Variants in NPHP1 observed in about 807,000 individuals in gnomAD.
NPHP1 encodes the protein nephrocystin-1.
Under a neutral mutation model 90.4 loss-of-function variants are expected in NPHP1, and 70 were observed. The ratio of observed to expected loss-of-function variants is 0.77; its 90% CI spans 0.64 to 0.95. NPHP1 has a LOEUF of 0.95. NPHP1 is among the 40% of genes least tolerant of loss of function. NPHP1 has a pLI of 0.00. For synonymous variants in NPHP1, 256 were observed against 271.7 expected, an observed-to-expected ratio of 0.94 and a Z score of 0.57; for missense variants, 764 against 795.9, an observed-to-expected ratio of 0.96 and a Z score of 0.48.
At chr2:110,129,061 A>G in intron 18 of NPHP1, 125 bp downstream of exon 18, 2 of 717,086 alleles carry the variant, frequency 2.8e-6, no homozygotes, top group Non-Finnish European at 5.1e-6. Context: ...TACCTAGACA[A>G]TGGATAGGGA....
intron 16 of NPHP1, among the ~76,000 whole-genome samples, chr2:110,141,455 C>T (rs1210414189): frequency 2.0e-5 from 3 of 151,910 alleles, no homozygotes; most frequent in African/African-American, 7.3e-5. Context: ...AATGACTAGT[C>T]TAGGAGGGTA....
At chr2:110,136,149 A>T (rs1371505021) in intron 16 of NPHP1, among the ~76,000 whole-genome samples, 2 of 152,170 alleles carry the variant, frequency 1.3e-5, no homozygotes, top group African/African-American at 4.8e-5. Context: ...CTCTCAATAA[A>T]TTAGGTATTG....
In NPHP1 at chr2:110,137,789, T is replaced by C. The variant is rs533289107; in HGVS notation, c.1529+5753A>G. Among the ~76,000 whole-genome samples the C allele has an allele frequency of 1.5e-4, 22 of 151,028 alleles. No homozygotes were observed. The South Asian group carries it at 3.4e-3, about 23-fold the overall frequency. On this transcript the variant is annotated intron_variant, in intron 16 of 19. Coordinates refer to ENST00000445609, the MANE Select transcript of NPHP1 (RefSeq NM_001128178.3). ...TGGTGATTCCTCAGGGATCTAGAAC[T>C]AGAAATACCATTTGACCCAGCCATC...
At position 110,180,271 on chromosome 2, in the gene NPHP1, A is replaced by G. The variant is rs141143145; in HGVS notation, c.144-587T>C. 1.6e-4 allele frequency among the ~76,000 whole-genome samples: 25 copies of G among 152,212 alleles called. No individual in the cohort carries two copies. In the East Asian group the frequency reaches 4.8e-3, roughly 29 times the overall value. On this transcript the variant is annotated intron_variant, in intron 2 of 19. Transcript: ENST00000445609. Reference sequence around the variant, plus strand: ...CTGCTTTGAGCTTGCTTGTCCAGACAGGTCCAGAGTTTTATTTATTCCACA... The same window carrying G: ...CTGCTTTGAGCTTGCTTGTCCAGACGGGTCCAGAGTTTTATTTATTCCACA...
At chr2:110,161,569 GAGT>G in intron 10 of NPHP1, 31 bp downstream of exon 10, 1 of 1,336,694 alleles carries the variant, frequency 7.5e-7, no homozygotes, top group Non-Finnish European at 1.1e-6. Flanking sequence ...AAATCTGGAA[GAGT>G]TACACTTTTA....
intron 2 of NPHP1, among the ~76,000 whole-genome samples, chr2:110,196,653 G>A (rs1398222283): frequency 1.3e-5 from 2 of 152,070 alleles, no homozygotes; most frequent in Admixed American, 1.3e-4. Context: ...CCCATTACTG[G>A]GTATATACCC....
intron 2 of NPHP1, among the ~76,000 whole-genome samples, chr2:110,196,535 G>A (rs1283519973): frequency 6.6e-6 from 1 of 152,138 alleles, no homozygotes; most frequent in East Asian, 1.9e-4. Context: ...GGAGAAATAG[G>A]AAACTTTTAC....
At chr2:110,187,750 C>T (rs757877522) in intron 2 of NPHP1, among the ~76,000 whole-genome samples, 4 of 152,014 alleles carry the variant, frequency 2.6e-5, no homozygotes, top group South Asian at 2.1e-4. Flanking sequence ...TCATGAACAT[C>T]GATACAAAAA....
At chr2:110,125,274 A>G (rs952816944) in intron 19 of NPHP1, 2 of 1,536,066 alleles carry the variant, frequency 1.3e-6, no homozygotes, top group Non-Finnish European at 1.7e-6. Flanking sequence ...TATATGGTAC[A>G]GCTCAGGCCA....
intron 9 of NPHP1, among the ~76,000 whole-genome samples, 159 bp from the exon 10 acceptor site, chr2:110,161,856 T>C (rs1318628261): frequency 6.6e-6 from 1 of 152,140 alleles, no homozygotes; most frequent in Non-Finnish European, 1.5e-5. Flanking sequence ...TATAGATTTA[T>C]GGATAAAAAC....
intron 18 of NPHP1, chr2:110,128,968 T>C: frequency 5.1e-6 from 3 of 592,566 alleles, no homozygotes; most frequent in Non-Finnish European, 9.2e-6. Context: ...ATAGTGTACA[T>C]AGCAGGCACT....
chr2:110,176,740 G>C (rs1683539095), intron 4 of NPHP1, among the ~76,000 whole-genome samples: 1 of 152,076 alleles, frequency 6.6e-6, no homozygotes, highest in East Asian at 1.9e-4. Context: ...TAGGGCCTGG[G>C]CCTTCTGTGT....
intron 17 of NPHP1, among the ~76,000 whole-genome samples, chr2:110,130,568 C>T (rs1679705451): frequency 6.6e-6 from 1 of 152,156 alleles, no homozygotes; most frequent in South Asian, 2.1e-4. Flanking sequence ...TTCTACCTAT[C>T]TATCCAGGTG....
chr2:110,170,404 T>C (rs1026896074), intron 4 of NPHP1, among the ~76,000 whole-genome samples: 3 of 152,188 alleles, frequency 2.0e-5, no homozygotes, highest in African/African-American at 7.2e-5. Context: ...CCATTTCTCA[T>C]TGGTAAAGTG....
intron 18 of NPHP1, chr2:110,125,967 T>C (rs1209566475): frequency 2.4e-5 from 11 of 466,436 alleles, no homozygotes; most frequent in South Asian, 2.0e-4. Flanking sequence ...CCATGAAAAC[T>C]ATACAACCAC....
intron 11 of NPHP1, among the ~76,000 whole-genome samples, chr2:110,159,903 T>A (rs1485643980): frequency 6.6e-6 from 1 of 151,330 alleles, no homozygotes; most frequent in Admixed American, 6.6e-5. Flanking sequence ...ATCTTTTATC[T>A]TTTTTTTAAT....
intron 2 of NPHP1, among the ~76,000 whole-genome samples, chr2:110,195,589 T>C (rs1432126377): frequency 6.6e-6 from 1 of 152,098 alleles, no homozygotes; most frequent in Non-Finnish European, 1.5e-5. Context: ...CCAAGGTAAT[T>C]TATAGATTCA....
In NPHP1 at chr2:110,204,998, A is replaced by T. The variant is rs569606233; in HGVS notation, c.-30T>A. ...CTGGCTGCGGTGCTCTGATTGCTCC[A>T]GTTGCCAGGGAAACCAACCGGCGGC... On this transcript the variant is annotated 5_prime_UTR_variant, in exon 1 of 20. Coordinates refer to ENST00000445609, the MANE Select transcript of NPHP1 (RefSeq NM_001128178.3). 1 of 1,612,628 alleles carries T rather than the reference A, an allele frequency of 6.2e-7. No individual in the cohort carries two copies. The highest frequency in any genetic ancestry group is 1.1e-5 in the South Asian group (1 of 90,998).
intron 4 of NPHP1, among the ~76,000 whole-genome samples, chr2:110,175,244 T>C (rs2104599506): frequency 6.6e-6 from 1 of 152,194 alleles, no homozygotes; most frequent in African/African-American, 2.4e-5. Context: ...CATAATTGAG[T>C]GTCTTTCAAA....
Sources: allele counts gnomAD v4.1 joint callset (sites outside exome capture counted in the v4.1 genomes callset), GRCh38; gene constraint gnomAD v4.1.1; transcripts MANE v1.5; gene names NCBI Gene and HGNC (gene_info 2026-07-23, HGNC 2026-07-21).